Variants in VPS13B observed in about 807,000 individuals in gnomAD.
VPS13B encodes the protein intermembrane lipid transfer protein VPS13B.
A neutral mutation model predicts 426.4 loss-of-function variants in VPS13B; 285 were observed. The observed-to-expected ratio is 0.67, with a 90% confidence interval of 0.61 to 0.74. VPS13B has a LOEUF of 0.74. Ranked by LOEUF, VPS13B falls within the 30% of genes least tolerant of loss-of-function variation. The probability of loss-of-function intolerance (pLI) is 0.00; values close to 1 mark genes in which losing one functional copy is unlikely to be tolerated. For synonymous variants in VPS13B, 1,676 were observed against 1,676.4 expected (o/e 1.00, Z 0.01); for missense variants, 4,537 against 4,782.6 (o/e 0.95, Z 1.51).
intron 39 of VPS13B, among the ~76,000 whole-genome samples, chr8:99,729,675 T>G (rs1017301982): frequency 6.6e-6 from 1 of 152,238 alleles, no homozygotes; most frequent in African/African-American, 2.4e-5. Flanking sequence ...TACAATGTAA[T>G]GTTTAATGTC....
intron 55 of VPS13B, 108 bp from the exon 56 acceptor site, chr8:99,853,342 CT>C: frequency 1.8e-6 from 2 of 1,116,066 alleles, no homozygotes; most frequent in South Asian, 2.9e-5. Context: ...TTATGAGAAT[CT>C]GATGTCCCAT....
chr8:99,616,861 T>C (rs1828116377), intron 33 of VPS13B, among the ~76,000 whole-genome samples: 1 of 152,198 alleles, frequency 6.6e-6, no homozygotes, highest in South Asian at 2.1e-4. Flanking sequence ...CTGGGAATAA[T>C]AACTATAAAG....
At chr8:99,640,096 G>GAAAT (rs1423851730) in intron 33 of VPS13B, among the ~76,000 whole-genome samples, 1 of 145,860 alleles carries the variant, frequency 6.9e-6, no homozygotes, top group East Asian at 2.0e-4. Context: ...GAAAAGAAAA[G>GAAAT]AAAAGAAAAG....
intron 39 of VPS13B, among the ~76,000 whole-genome samples, chr8:99,764,994 C>T (rs1175107794): frequency 6.6e-6 from 1 of 152,056 alleles, no homozygotes; most frequent in Non-Finnish European, 1.5e-5. Flanking sequence ...GCTTGTAATC[C>T]CAGCAGTTTG....
intron 21 of VPS13B, among the ~76,000 whole-genome samples, chr8:99,406,107 G>A (rs1283853160): frequency 6.6e-6 from 1 of 151,832 alleles, no homozygotes. Context: ...GCAGGTCTTA[G>A]TTTAGATGAT....
At chr8:99,598,927 T>G (rs1366872851) in intron 33 of VPS13B, among the ~76,000 whole-genome samples, 1 of 151,922 alleles carries the variant, frequency 6.6e-6, no homozygotes, top group Admixed American at 6.6e-5. Context: ...AAAAATTACT[T>G]TAGCCAACAT....
chr8:99,162,661 G>T (rs1426537068), intron 15 of VPS13B, among the ~76,000 whole-genome samples: 1 of 152,172 alleles, frequency 6.6e-6, no homozygotes, highest in Non-Finnish European at 1.5e-5. Flanking sequence ...CGTTCCTCCC[G>T]GTGGGCTCAT....
chr8:99,382,742 A>G (rs556858903), intron 19 of VPS13B, among the ~76,000 whole-genome samples: 4 of 152,278 alleles, frequency 2.6e-5, no homozygotes, highest in African/African-American at 9.6e-5. Flanking sequence ...TTTTCTAGAT[A>G]CATATTTTCA....
intron 15 of VPS13B, 129 bp from the exon 16 acceptor site, chr8:99,169,910 A>G (rs1338716149): frequency 1.8e-6 from 2 of 1,102,462 alleles, no homozygotes; most frequent in East Asian, 4.9e-5. Flanking sequence ...TCGTTTGGGA[A>G]GTGGAAAAAG....
chr8:99,632,391 A>G (rs1314873417), intron 33 of VPS13B, among the ~76,000 whole-genome samples: 1 of 151,978 alleles, frequency 6.6e-6, no homozygotes, highest in Non-Finnish European at 1.5e-5. Flanking sequence ...CTTAATGTAT[A>G]CATTAGATTA....
intron 17 of VPS13B, among the ~76,000 whole-genome samples, chr8:99,229,300 A>C (rs1816190392): frequency 6.6e-6 from 1 of 152,208 alleles, no homozygotes. Context: ...ACCATTATTC[A>C]GGCATTGGCT....
chr8:99,333,788 G>T (rs1229983157), intron 19 of VPS13B, among the ~76,000 whole-genome samples: 3 of 151,902 alleles, frequency 2.0e-5, no homozygotes, highest in African/African-American at 4.8e-5. Flanking sequence ...TAACCTTTCT[G>T]GGATTGGCTT....
Position 99,859,457 on chromosome 8 carries a change from C to A in VPS13B, c.11021C>A (p.Ser3674Ter). Residue 3674 changes from serine (S) to a stop codon, truncating the protein, a stop_gained, in exon 57 of 62, where the codon TCG (serine) becomes TAG (stop). Coordinates refer to ENST00000357162, the MANE Select transcript of VPS13B (RefSeq NM_152564.5). LOFTEE classifies it high-confidence loss of function. Reference sequence around the variant, plus strand: ...AGTGGCGTCTCCAGAGGGACCACATCGTTTGTAAAGCACATCTCCAAAGGT... The same window carrying A: ...AGTGGCGTCTCCAGAGGGACCACATAGTTTGTAAAGCACATCTCCAAAGGT... ...FVSGVSRGTT[S>*]FVKHISKGTL... The A allele has an allele frequency of 6.2e-7, 1 of 1,613,394 alleles. No homozygotes were observed.
At chr8:99,276,991 A>G (rs1202546953) in intron 19 of VPS13B, among the ~76,000 whole-genome samples, 2 of 152,114 alleles carry the variant, frequency 1.3e-5, no homozygotes, top group African/African-American at 2.4e-5. Context: ...CTTCAACAAT[A>G]TATTACCTTT....
intron 54 of VPS13B, among the ~76,000 whole-genome samples, chr8:99,845,216 A>G (rs994474530): frequency 6.6e-6 from 1 of 152,176 alleles, no homozygotes; most frequent in African/African-American, 2.4e-5. Flanking sequence ...GCTGCCTATC[A>G]TAAGCCTAGA....
intron 34 of VPS13B, among the ~76,000 whole-genome samples, chr8:99,653,853 C>T (rs1312784440): frequency 6.6e-6 from 1 of 151,986 alleles, no homozygotes; most frequent in Non-Finnish European, 1.5e-5. Context: ...CCCTTCCCAT[C>T]ACATCTTACG....
At chr8:99,799,204 A>T (rs1290638097) in intron 43 of VPS13B, 3 of 152,232 alleles carry the variant, frequency 2.0e-5, no homozygotes, top group African/African-American at 7.2e-5. Context: ...CTTCATAGTT[A>T]TAAAATTATT....
chr8:99,253,227 TC>T (rs1157515361), intron 17 of VPS13B, among the ~76,000 whole-genome samples: 2 of 152,188 alleles, frequency 1.3e-5, no homozygotes, highest in Admixed American at 6.6e-5. Flanking sequence ...ATTTTGTTTC[TC>T]CATTCATTAA....
intron 17 of VPS13B, among the ~76,000 whole-genome samples, chr8:99,266,689 G>T (rs1402475052): frequency 1.3e-5 from 2 of 152,018 alleles, no homozygotes; most frequent in African/African-American, 4.8e-5. Context: ...TCATGGAGGT[G>T]GTTACCTTCA....
Sources: gnomAD v4.1 joint callset for allele counts (sites outside exome capture counted in the v4.1 genomes callset) on GRCh38, gnomAD v4.1.1 for gene constraint, MANE v1.5 for transcripts, NCBI Gene and HGNC (gene_info 2026-07-23, HGNC 2026-07-21) for gene names.